Variants in ELMO1 observed in about 807,000 individuals in gnomAD.
The protein encoded by ELMO1 is engulfment and cell motility 1, also known as engulfment and cell motility protein 1.
A neutral mutation model predicts 98.9 loss-of-function variants in ELMO1; 26 were observed. The ratio of observed to expected loss-of-function variants is 0.26; its 90% confidence interval spans 0.19 to 0.36. The LOEUF (loss-of-function observed/expected upper bound fraction) is 0.36, where lower values mean the gene tolerates loss of function less well. Ranked by LOEUF, ELMO1 falls within the 10% of genes least tolerant of loss-of-function variation. ELMO1 has a pLI of 1.00. For synonymous variants in ELMO1, 346 were observed against 346.0 expected (o/e 1.00, Z 0.00); for missense variants, 627 against 935.2 (o/e 0.67, Z 4.30).
chr7:37,165,737 A>G (rs62459305), intron 13 of ELMO1, among the ~76,000 whole-genome samples: 11,963 of 152,018 alleles, frequency 0.079, 640 homozygotes, highest in Non-Finnish European at 0.11. Flanking sequence ...GATTCGGTTT[A>G]CCAGTATTTT....
chr7:37,167,626 G>A (rs1396437283), intron 13 of ELMO1, among the ~76,000 whole-genome samples: 3 of 151,766 alleles, frequency 2.0e-5, no homozygotes, highest in Non-Finnish European at 4.4e-5. Flanking sequence ...ATGAAATTCT[G>A]GGTTGAAAAT....
chr7:37,266,055 C>A (rs907184193), intron 5 of ELMO1, among the ~76,000 whole-genome samples: 1 of 152,148 alleles, frequency 6.6e-6, no homozygotes, highest in African/African-American at 2.4e-5. Flanking sequence ...AACTCTGACC[C>A]GGTGCCCTGG....
chr7:37,411,846 T>C (rs938027024), intron 1 of ELMO1, among the ~76,000 whole-genome samples: 1 of 152,234 alleles, frequency 6.6e-6, no homozygotes, highest in Non-Finnish European at 1.5e-5. Flanking sequence ...TCAGATCACA[T>C]GGTCATGGAG....
intron 16 of ELMO1, among the ~76,000 whole-genome samples, chr7:36,935,805 A>G (rs561506504): frequency 6.6e-6 from 1 of 152,294 alleles, no homozygotes; most frequent in South Asian, 2.1e-4. Flanking sequence ...CAGTAAGAGA[A>G]TAGGTGGTGG....
intron 1 of ELMO1, among the ~76,000 whole-genome samples, chr7:37,416,619 A>C (rs923222967): frequency 1.3e-5 from 2 of 152,170 alleles, no homozygotes; most frequent in Non-Finnish European, 2.9e-5. Context: ...ACAACAGCTC[A>C]AGGCCTAGAT....
intron 1 of ELMO1, among the ~76,000 whole-genome samples, chr7:37,381,435 G>A (rs1453013483): frequency 6.6e-6 from 1 of 152,112 alleles, no homozygotes; most frequent in Non-Finnish European, 1.5e-5. Flanking sequence ...TCATGAAGTG[G>A]ACTTAATTCT....
intron 2 of ELMO1, among the ~76,000 whole-genome samples, chr7:37,317,711 G>A (rs1799264561): frequency 6.6e-6 from 1 of 152,038 alleles, no homozygotes; most frequent in African/African-American, 2.4e-5. Context: ...AGGTGGGGAT[G>A]GTTAATGAGT....
At chr7:37,081,263 A>T (rs1440416873) in intron 15 of ELMO1, among the ~76,000 whole-genome samples, 1 of 152,242 alleles carries the variant, frequency 6.6e-6, no homozygotes, top group Non-Finnish European at 1.5e-5. Context: ...CCACAAAATG[A>T]CCCTATCTAT....
intron 18 of ELMO1, among the ~76,000 whole-genome samples, chr7:36,885,146 A>G (rs181395245): frequency 2.0e-5 from 3 of 152,254 alleles, no homozygotes; most frequent in Non-Finnish European, 4.4e-5. Context: ...CAAATACCAA[A>G]AAGCCTTCCT....
rs544864463 is a variant in ELMO1, at chr7:37,190,638, C to T, written c.1086+20748G>A. Among the ~76,000 whole-genome samples the T allele has an allele frequency of 2.2e-3, 341 of 152,136 alleles. 1 individual carries two copies. Among genetic ancestry groups the T allele is most frequent in the Middle Eastern group, 0.017 (5 of 294 alleles). The stretch of plus-strand genomic sequence containing the variant: ...TTAGCCTCTCGAGTAGCTGGGATTA[C>T]GGGCACCCTGCCAATCACGCCCGGC... On this transcript the variant is annotated intron_variant, in intron 13 of 21. Coordinates refer to ENST00000310758, the MANE Select transcript of ELMO1 (RefSeq NM_014800.11).
intron 7 of ELMO1, among the ~76,000 whole-genome samples, chr7:37,241,004 T>C (rs967145717): frequency 2.1e-4 from 32 of 152,300 alleles, no homozygotes; most frequent in African/African-American, 7.7e-4. Flanking sequence ...AAATCATCTA[T>C]ATCCTTAACA....
intron 1 of ELMO1, among the ~76,000 whole-genome samples, chr7:37,395,693 T>G (rs1394828608): frequency 1.3e-5 from 2 of 152,210 alleles, no homozygotes; most frequent in Non-Finnish European, 2.9e-5. Flanking sequence ...ATGGCTCTTC[T>G]TCTCTCTCAA....
chr7:37,447,880 C>T (rs946519311), intron 1 of ELMO1, among the ~76,000 whole-genome samples: 2 of 152,064 alleles, frequency 1.3e-5, no homozygotes, highest in Non-Finnish European at 2.9e-5. Flanking sequence ...CGCCACTCTC[C>T]GCTCCGATTC....
intron 1 of ELMO1, among the ~76,000 whole-genome samples, chr7:37,410,988 T>C (rs897830894): frequency 1.1e-4 from 16 of 152,248 alleles, no homozygotes; most frequent in African/African-American, 3.6e-4. Flanking sequence ...CCAGGCACTC[T>C]GCTAAGTAAG....
intron 13 of ELMO1, among the ~76,000 whole-genome samples, chr7:37,151,942 G>A (rs1372279158): frequency 1.3e-5 from 2 of 152,112 alleles, no homozygotes; most frequent in South Asian, 2.1e-4. Flanking sequence ...CCTGCCAACA[G>A]AGCAACTGTG....
At chr7:36,908,046 T>C (rs1489729967) in intron 16 of ELMO1, among the ~76,000 whole-genome samples, 1 of 152,208 alleles carries the variant, frequency 6.6e-6, no homozygotes, top group African/African-American at 2.4e-5. Flanking sequence ...GGCCTGAACT[T>C]GTGTTCAGTT....
At chr7:37,263,435 G>A (rs977237673) in intron 5 of ELMO1, among the ~76,000 whole-genome samples, 1 of 152,134 alleles carries the variant, frequency 6.6e-6, no homozygotes, top group Non-Finnish European at 1.5e-5. Context: ...AGACAGCTAC[G>A]GTTCTCAACC....
chr7:37,316,251 T>C (rs1562606906), intron 2 of ELMO1, among the ~76,000 whole-genome samples: 1 of 152,118 alleles, frequency 6.6e-6, no homozygotes, highest in South Asian at 2.1e-4. Context: ...AGGGTGAAAA[T>C]ATAACTTTGT....
intron 13 of ELMO1, among the ~76,000 whole-genome samples, chr7:37,192,471 C>A (rs1187844555): frequency 7.3e-6 from 1 of 136,134 alleles, no homozygotes; most frequent in Non-Finnish European, 1.5e-5. Flanking sequence ...CTCCATCCAG[C>A]CTGGCAACAG....
Sources: gnomAD v4.1 joint callset for allele counts (sites outside exome capture counted in the v4.1 genomes callset) on GRCh38, gnomAD v4.1.1 for gene constraint, MANE v1.5 for transcripts, NCBI Gene and HGNC (gene_info 2026-07-23, HGNC 2026-07-21) for gene names.